SLC12A7: variants seen among roughly 807,000 people sequenced by gnomAD.
SLC12A7 encodes solute carrier family 12 member 7.
A neutral mutation model predicts 120.6 loss-of-function variants in SLC12A7; 100 were observed. The ratio of observed to expected loss-of-function variants is 0.83; its 90% CI spans 0.71 to 0.98. SLC12A7 has a LOEUF of 0.98. SLC12A7 is among the 50% of genes least tolerant of loss of function. The probability of loss-of-function intolerance (pLI) is 0.00; values close to 1 mark genes in which losing one functional copy is unlikely to be tolerated. For missense variants in SLC12A7, 1,373 were observed against 1,548.1 expected (o/e 0.89, Z 1.90); for synonymous variants, 760 against 678.0 (o/e 1.12, Z -1.88).
upstream of SLC12A7, chr5:1,112,100 C>T (rs1194214527): frequency 1.8e-6 from 2 of 1,141,780 alleles, no homozygotes; most frequent in Non-Finnish European, 1.1e-6. Flanking sequence ...GCCGCCCCGC[C>T]CCGCCCGGGC....
the SLC12A7 span, among the ~76,000 whole-genome samples, chr5:1,125,336 T>C: frequency 6.6e-6 from 1 of 152,146 alleles, no homozygotes; most frequent in East Asian, 1.9e-4. Flanking sequence ...GAAACATCAC[T>C]TCATGGGTAA....
At chr5:1,065,202 A>AG (rs1736900658) in intron 18 of SLC12A7, 81 bp downstream of exon 18, 6 of 3,246 alleles carry the variant, frequency 1.8e-3, no homozygotes, top group African/African-American at 2.8e-3. Context: ...CTGAGGAGAC[A>AG]CACAGGGGAC....
chr5:1,077,019 C>A (rs1014426886), intron 12 of SLC12A7, among the ~76,000 whole-genome samples: 1 of 152,040 alleles, frequency 6.6e-6, no homozygotes, highest in Non-Finnish European at 1.5e-5. Context: ...AGAGCTGTGC[C>A]TACGCCCGGC....
intron 8 of SLC12A7, among the ~76,000 whole-genome samples, chr5:1,082,770 G>C (rs928042100): frequency 1.4e-5 from 2 of 144,272 alleles, no homozygotes; most frequent in African/African-American, 5.1e-5. Flanking sequence ...TTCCCGTCTT[G>C]GGTTCTGGAA....
At chr5:1,058,543 G>A (rs988648179) in intron 21 of SLC12A7, among the ~76,000 whole-genome samples, 7 of 152,236 alleles carry the variant, frequency 4.6e-5, no homozygotes, top group African/African-American at 7.2e-5. Context: ...TGTGAGCCCC[G>A]GGGTGATTTT....
At chr5:1,101,019 C>A (rs1561105869) in intron 1 of SLC12A7, among the ~76,000 whole-genome samples, 1 of 152,196 alleles carries the variant, frequency 6.6e-6, no homozygotes, top group African/African-American at 2.4e-5. Flanking sequence ...TCCCCCACAG[C>A]TGTGTGCGCT....
rs180967677 is a variant in SLC12A7, at chr5:1,098,797, C to A, written c.125-4549G>T. 3.6e-4 allele frequency among the ~76,000 whole-genome samples: 46 copies of A among 127,052 alleles called. 6 individuals carry two copies. Among genetic ancestry groups the A allele is most frequent in the African/African-American group, 1.1e-3 (42 of 36,590 alleles). 83.4% of individuals were successfully genotyped at this position (127,052 alleles called of 152,430 possible). A position where few individuals can be genotyped will look rare whatever the true frequency, so the allele number is the denominator to read the frequency against. ...CTCTGCTCACCCAGCCACCCTCTAACCCTCTGCTCACCCAGCCGCGTCCCT... is the reference window on the plus strand; with the variant it reads ...CTCTGCTCACCCAGCCACCCTCTAAACCTCTGCTCACCCAGCCGCGTCCCT... On this transcript the variant is annotated intron_variant, in intron 1 of 23. Transcript: ENST00000264930.
chr5:1,137,749 C>G, the SLC12A7 span, among the ~76,000 whole-genome samples: 3 of 152,270 alleles, frequency 2.0e-5, no homozygotes, highest in African/African-American at 7.2e-5. Flanking sequence ...AGGTCAGGCC[C>G]TCCCTGCTCG....
At chr5:1,057,444 C>G in intron 22 of SLC12A7, 27 bp downstream of exon 22, 1 of 1,590,790 alleles carries the variant, frequency 6.3e-7, no homozygotes, top group Middle Eastern at 1.7e-4. Flanking sequence ...GATCTGTTCC[C>G]CCCAGGCCAC....
the SLC12A7 span, among the ~76,000 whole-genome samples, chr5:1,144,004 C>T: frequency 6.6e-6 from 1 of 152,214 alleles, no homozygotes; most frequent in East Asian, 1.9e-4. Flanking sequence ...CCCTGGCTGG[C>T]TCGGGCGGCT....
chr5:1,147,265 G>A, the SLC12A7 span, among the ~76,000 whole-genome samples: 15 of 36,614 alleles, frequency 4.1e-4, no homozygotes, highest in African/African-American at 2.9e-4. Context: ...CCCCGCCCCC[G>A]CCTTTAGGAG....
At chr5:1,075,258 C>G in intron 15 of SLC12A7, 113 bp downstream of exon 15, 2 of 1,431,768 alleles carry the variant, frequency 1.4e-6, no homozygotes, top group Non-Finnish European at 1.9e-6. Context: ...CCTGTGAGGG[C>G]ACACGACGCT....
At chr5:1,141,306 T>G in the SLC12A7 span, among the ~76,000 whole-genome samples, 1 of 152,240 alleles carries the variant, frequency 6.6e-6, no homozygotes. Flanking sequence ...TGATGACCTC[T>G]GCAAACAGCT....
chr5:1,081,798 C>T (rs1739156001), intron 8 of SLC12A7, 54 bp from the exon 9 acceptor site: 8 of 1,567,822 alleles, frequency 5.1e-6, no homozygotes, highest in South Asian at 2.3e-5. Flanking sequence ...GCAGTGCCCC[C>T]GCCATGGGGC....
intron 1 of SLC12A7, among the ~76,000 whole-genome samples, chr5:1,096,716 GAA>G (rs1413229330): frequency 7.1e-5 from 4 of 56,340 alleles, no homozygotes; most frequent in Non-Finnish European, 1.1e-4. Context: ...AAGGAGGGAG[GAA>G]GGAAAGGAGG....
At chr5:1,054,485 C>G (rs1216639780) in intron 22 of SLC12A7, among the ~76,000 whole-genome samples, 2 of 152,262 alleles carry the variant, frequency 1.3e-5, no homozygotes, top group Non-Finnish European at 2.9e-5. Flanking sequence ...ACTGGCGTTC[C>G]AGGAGGCCAC....
chr5:1,088,824 C>T (rs947718991), intron 4 of SLC12A7, among the ~76,000 whole-genome samples, 158 bp downstream of exon 4: 12 of 152,194 alleles, frequency 7.9e-5, no homozygotes, highest in East Asian at 3.9e-4. Context: ...CGGCGCTGAA[C>T]GACGTCTACA....
intron 1 of SLC12A7, among the ~76,000 whole-genome samples, chr5:1,098,289 AAG>A (rs1491556531): frequency 6.5e-5 from 1 of 15,310 alleles, no homozygotes; most frequent in East Asian, 1.9e-3. Flanking sequence ...AACCCTCTGC[AAG>A]CCCAGCCCCC....
At chr5:1,089,685 C>G (rs550449734) in intron 3 of SLC12A7, among the ~76,000 whole-genome samples, 149 of 152,332 alleles carry the variant, frequency 9.8e-4, no homozygotes, top group Admixed American at 2.9e-3. Flanking sequence ...CAGATATCCA[C>G]GTGGGGGCCA....
Sources: gnomAD v4.1 joint callset for allele counts (sites outside exome capture counted in the v4.1 genomes callset) on GRCh38, gnomAD v4.1.1 for gene constraint, MANE v1.5 for transcripts, NCBI Gene and HGNC (gene_info 2026-07-23, HGNC 2026-07-21) for gene names.